UCKL1: variants seen among roughly 807,000 people sequenced by gnomAD.
The protein encoded by UCKL1 is uridine-cytidine kinase-like 1.
Under a neutral mutation model 59.2 loss-of-function variants are expected in UCKL1, and 65 were observed. That is an observed-to-expected ratio of 1.10 (90% CI 0.90 to 1.35). The LOEUF is 1.35. UCKL1 is among the 40% of genes most tolerant of loss of function. The probability of loss-of-function intolerance (pLI) is 0.00; values close to 1 mark genes in which losing one functional copy is unlikely to be tolerated. For synonymous variants in UCKL1, 410 were observed against 323.1 expected (o/e 1.27, Z -2.88); for missense variants, 703 against 784.3 (o/e 0.90, Z 1.24).
Position 63,941,198 on chromosome 20 carries a change from C to A in UCKL1, c.934G>T (p.Ala312Ser). ...AGCGGGTGGCACTGGTGTGCCGAGG[C>A]CAGCGCAGCCCTGGGGACAAACCGA... is the stretch of plus-strand genomic sequence containing the variant. ...ERELSVRAAL[A>S]SAHQCHPLPR... The change falls in exon 9 of 15, where the codon GCC (alanine) becomes TCC (serine). Residue 312 changes from alanine to serine, a missense_variant. Ala to Ser is a moderately conservative substitution (Grantham distance 99). Coordinates refer to ENST00000354216, the MANE Select transcript of UCKL1 (RefSeq NM_017859.4). The A allele has an allele frequency of 2.6e-6, 4 of 1,534,744 alleles. No individual in the cohort carries two copies. The highest frequency in any genetic ancestry group is 3.5e-6 in the Non-Finnish European group (4 of 1,147,366).
Position 63,939,938 on chromosome 20 carries a change from G to T in UCKL1, c.*38C>A. The stretch of plus-strand genomic sequence containing the variant: ...TTCAGCAGTCCTGGGTCAGGAGGCA[G>T]GAGGAGGGTGGTGGGGACGGGATGG... On this transcript the variant is annotated 3_prime_UTR_variant, in exon 15 of 15. Transcript: ENST00000354216. 6.3e-7 allele frequency: 1 copy of T among 1,580,854 alleles called. No homozygotes were observed. The highest frequency in any genetic ancestry group is 8.7e-7 in the Non-Finnish European group (1 of 1,151,586).
chr20:63,944,971 G>A (rs566227919), intron 5 of UCKL1, among the ~76,000 whole-genome samples: 3 of 152,214 alleles, frequency 2.0e-5, no homozygotes, highest in African/African-American at 7.2e-5. Flanking sequence ...GGGGAGGTGG[G>A]GGTGTCTGGG....
intron 1 of UCKL1, chr20:63,954,115 A>G (rs2058155825): frequency 6.5e-6 from 1 of 152,726 alleles, no homozygotes; most frequent in Non-Finnish European, 1.5e-5. Flanking sequence ...AGGGAGAGTC[A>G]TTAGGGCTGC....
rs976577412 is a variant in UCKL1 at position 63,940,217 on chromosome 20, T to C, written c.1500A>G (p.Arg500=). 1.2e-6 allele frequency: 2 copies of C among 1,612,660 alleles called. No homozygotes were observed. The highest frequency in any genetic ancestry group is 2.7e-5 in the African/African-American group (2 of 74,934). Residue 500 remains arginine, a synonymous_variant, in exon 14 of 15, where the codon CGA becomes CGG. Coordinates refer to ENST00000354216, the MANE Select transcript of UCKL1 (RefSeq NM_017859.4). ...GVHSVAYAFP[R]VRIITTAVDK... ...CCACCGCCGTGGTGATGATTCTCAC[T>C]CGCGGAAATGCATAGGCCACTGAGT...
At chr20:63,949,089 C>T (rs886769440) in intron 1 of UCKL1, among the ~76,000 whole-genome samples, 12 of 152,182 alleles carry the variant, frequency 7.9e-5, no homozygotes, top group Non-Finnish European at 4.4e-5. Context: ...GGGGAAAACG[C>T]GCTGTGCCTC....
intron 1 of UCKL1, among the ~76,000 whole-genome samples, chr20:63,948,633 A>AGGGGCGTGTGAGAGGG (rs1569123542): frequency 5.7e-4 from 2 of 3,536 alleles, no homozygotes; most frequent in African/African-American, 2.9e-3. Context: ...TGTGAGAGGG[A>AGGGGCGTGTGAGAGGG]AGGGGCGTGT....
Position 63,945,719 on chromosome 20 carries a change from T to C in UCKL1, c.586A>G (p.Thr196Ala). The C allele has an allele frequency of 6.2e-7, 1 of 1,612,984 alleles. No individual in the cohort carries two copies. The highest frequency in any genetic ancestry group is 8.5e-7 in the Non-Finnish European group (1 of 1,179,702). Residue 196 changes from threonine to alanine, a missense_variant, in exon 5 of 15, where the codon ACA becomes GCA. Around this residue, in one of 4 missense-constraint regions of UCKL1, gnomAD observed 398 missense variants for 373.0 expected, o/e 1.07. Transcript: ENST00000354216. ...TTHSRKKDWK[T>A]LYGANVIIFE... ...ATGATGACGTTTGCACCATACAGTG[T>C]TTTCTGTGAAGAAACCCAGGAGTTG...
chr20:63,949,037 C>CA, intron 1 of UCKL1, among the ~76,000 whole-genome samples: 1 of 152,236 alleles, frequency 6.6e-6, no homozygotes, highest in African/African-American at 2.4e-5. Context: ...AACAGTGTGG[C>CA]AGCATTTAAA....
At chr20:63,943,129 G>A (rs563897598) in intron 8 of UCKL1, among the ~76,000 whole-genome samples, 2 of 152,370 alleles carry the variant, frequency 1.3e-5, no homozygotes, top group South Asian at 2.1e-4. Flanking sequence ...TCTTGCTGCA[G>A]TTGCCCAGTT....
chr20:63,946,645 T>G lies in UCKL1; in HGVS notation c.114-2A>C, dbSNP rs2056305916. The G allele has an allele frequency of 1.9e-6, 3 of 1,606,536 alleles. No individual in the cohort carries two copies. Among genetic ancestry groups the G allele is most frequent in the Non-Finnish European group, 2.5e-6 (3 of 1,179,602 alleles). ...CTGTCCAGGGACTCTGCATTGCTGCTGCAGAGAGGGATGTACTCGGATGTG... is the reference window on the plus strand; with the variant it reads ...CTGTCCAGGGACTCTGCATTGCTGCGGCAGAGAGGGATGTACTCGGATGTG... On this transcript the variant is annotated splice_acceptor_variant, in intron 1 of 14. Coordinates refer to ENST00000354216, the MANE Select transcript of UCKL1 (RefSeq NM_017859.4). LOFTEE classifies it high-confidence loss of function.
chr20:63,942,840 A>G (rs2054996373), intron 8 of UCKL1: 2 of 413,482 alleles, frequency 4.8e-6, no homozygotes, highest in Admixed American at 5.0e-5. Flanking sequence ...ACCTGACGGG[A>G]CAAGACCTGC....
intron 1 of UCKL1, 118 bp from the exon 2 acceptor site, chr20:63,946,761 G>T: frequency 1.8e-6 from 2 of 1,102,100 alleles, no homozygotes; most frequent in Non-Finnish European, 2.6e-6. Context: ...GCTGAGGCGG[G>T]CAGGCTCATT....
At position 63,940,854 on chromosome 20, in the gene UCKL1, G is replaced by GT. The variant is rs2054183279; in HGVS notation, c.1118dup (p.Asp373GlufsTer32). Reference sequence around the variant, plus strand: ...GCCCCTGCGGGGTCTGTACGACGCAGTCCTGTGGGGTGCAGGGTGAGGACT... The same window carrying GT: ...GCCCCTGCGGGGTCTGTACGACGCAGTTCCTGTGGGGTGCAGGGTGAGGACT... On this transcript the variant is annotated frameshift_variant and splice_region_variant, in exon 11 of 15. Coordinates refer to ENST00000354216, the MANE Select transcript of UCKL1 (RefSeq NM_017859.4). LOFTEE classifies it high-confidence loss of function. The GT allele has an allele frequency of 6.5e-7, 1 of 1,539,368 alleles. No homozygotes were observed. Among genetic ancestry groups the GT allele is most frequent in the Non-Finnish European group, 8.8e-7 (1 of 1,142,440 alleles).
chr20:63,946,051 C>T, intron 3 of UCKL1, 76 bp from the exon 4 acceptor site: 2 of 1,609,698 alleles, frequency 1.2e-6, no homozygotes, highest in East Asian at 2.2e-5. Flanking sequence ...GGGCTCTAGG[C>T]CTCCCAGGAG....
At chr20:63,953,755 C>T (rs1346473941) in intron 1 of UCKL1, 1 of 152,484 alleles carries the variant, frequency 6.6e-6, no homozygotes, top group Non-Finnish European at 1.5e-5. Flanking sequence ...CAGGGCTGCC[C>T]CTCACGAACC....
At chr20:63,951,155 G>C in intron 1 of UCKL1, 1 of 1,061,008 alleles carries the variant, frequency 9.4e-7, no homozygotes, top group Non-Finnish European at 1.1e-6. Context: ...GCCGTCCTCA[G>C]AGGCCAAGGC....
chr20:63,952,444 G>A (rs2057794326), intron 1 of UCKL1, among the ~76,000 whole-genome samples: 2 of 152,208 alleles, frequency 1.3e-5, no homozygotes, highest in Non-Finnish European at 2.9e-5. Flanking sequence ...CTCGCTGCAG[G>A]CCACGTGGTC....
Position 63,940,372 on chromosome 20 carries a change from A to G in UCKL1, c.1410+6T>C, listed in dbSNP as rs199589246. The G allele has an allele frequency of 3.7e-6, 6 of 1,611,520 alleles. No individual in the cohort carries two copies. Among genetic ancestry groups the G allele is most frequent in the Non-Finnish European group, 5.1e-6 (6 of 1,179,092 alleles). ...AACCTGCCCCGCCTACCCAGGGCTC[A>G]CTCACCAGGAGCACGCGCACTGCCA... is the stretch of plus-strand genomic sequence containing the variant. On this transcript the variant is annotated splice_donor_region_variant and intron_variant, in intron 13 of 14. Transcript: ENST00000354216.
At position 63,956,393 on chromosome 20, in the gene UCKL1, C is replaced by A. The variant is rs755304313; in HGVS notation, c.-21G>T. 5 of 1,392,310 alleles carry A rather than the reference C, an allele frequency of 3.6e-6. No individual in the cohort carries two copies. The highest frequency in any genetic ancestry group is 3.6e-5 in the Admixed American group (1 of 27,774). The allele number at this position is 1,392,310 out of a possible 1,614,324, so 86.2% of individuals were successfully genotyped here. ...GCCATGGCGCTCGGAGGCCTCTTTG[C>A]GGGCCTGGCCGGGCGGCGCGCATGG... On this transcript the variant is annotated 5_prime_UTR_variant, in exon 1 of 15. Transcript: ENST00000354216.
Sources: allele counts gnomAD v4.1 joint callset (sites outside exome capture counted in the v4.1 genomes callset), GRCh38; gene constraint gnomAD v4.1.1; regional missense constraint gnomAD v4.1.1; transcripts MANE v1.5; gene names NCBI Gene and HGNC (gene_info 2026-07-23, HGNC 2026-07-21).